Variants in JAM3 observed in about 807,000 individuals in gnomAD.
JAM3 encodes the protein junctional adhesion molecule 3.
A neutral mutation model predicts 39.4 loss-of-function variants in JAM3; 31 were observed. The ratio of observed to expected loss-of-function variants is 0.79; its 90% CI spans 0.59 to 1.06. The LOEUF (loss-of-function observed/expected upper bound fraction) is 1.06, where lower values mean the gene tolerates loss of function less well. Ranked by LOEUF, JAM3 falls within the 50% of genes least tolerant of loss-of-function variation. JAM3 has a pLI of 0.00. For missense variants in JAM3, 455 were observed against 391.4 expected (o/e 1.16, Z -1.37); for synonymous variants, 182 against 148.7 (o/e 1.22, Z -1.63).
chr11:134,118,224 A>G, intron 1 of JAM3, among the ~76,000 whole-genome samples: 1 of 152,236 alleles, frequency 6.6e-6, no homozygotes, highest in Admixed American at 6.5e-5. Context: ...GATGGGTCTC[A>G]TGGCAACAGG....
At chr11:134,087,406 G>T (rs1941764245) in intron 1 of JAM3, among the ~76,000 whole-genome samples, 1 of 152,122 alleles carries the variant, frequency 6.6e-6, no homozygotes, top group African/African-American at 2.4e-5. Context: ...ATAAAATCAT[G>T]ACCTCCCACC....
chr11:134,132,985 GA>G (rs1942796556), intron 1 of JAM3, among the ~76,000 whole-genome samples: 1 of 152,176 alleles, frequency 6.6e-6, no homozygotes. Flanking sequence ...CTCCAATCTG[GA>G]GACAGTGTTT....
intron 6 of JAM3, among the ~76,000 whole-genome samples, chr11:134,146,677 C>G (rs974311942): frequency 6.6e-6 from 1 of 152,140 alleles, no homozygotes; most frequent in African/African-American, 2.4e-5. Flanking sequence ...AAGCCATTCT[C>G]CCACCTCAGT....
intron 1 of JAM3, among the ~76,000 whole-genome samples, chr11:134,077,652 T>A (rs1293677876): frequency 3.0e-5 from 2 of 65,714 alleles, no homozygotes; most frequent in African/African-American, 7.6e-5. Flanking sequence ...GCTGGCGCCT[T>A]TTTTTTTTTT....
chr11:134,147,476 A>G (rs1298419635), intron 6 of JAM3, among the ~76,000 whole-genome samples: 1 of 142,792 alleles, frequency 7.0e-6, no homozygotes, highest in Non-Finnish European at 1.5e-5. Flanking sequence ...AAAAAAAAAA[A>G]AACGATTGCA....
chr11:134,071,726 G>T (rs1283662080), intron 1 of JAM3, among the ~76,000 whole-genome samples: 30 of 152,030 alleles, frequency 2.0e-4, no homozygotes, highest in Admixed American at 1.9e-3. Context: ...TCTTTTATTT[G>T]CATCTGTTTG....
In JAM3 at chr11:134,075,676, C is replaced by T. The variant is rs183766776; in HGVS notation, c.76+6517C>T. The stretch of plus-strand genomic sequence containing the variant: ...TCCTGAGTTTAAGGGATCCTACTGC[C>T]TTAGCCTCCCAAAGTGCTGAGATTA... On this transcript the variant is annotated intron_variant, in intron 1 of 8. Transcript: ENST00000299106. Among the ~76,000 whole-genome samples the T allele has an allele frequency of 2.5e-4, 38 of 152,304 alleles. 1 individual carries two copies. The highest frequency in any genetic ancestry group is 2.4e-3 in the Admixed American group (37 of 15,296).
intron 1 of JAM3, among the ~76,000 whole-genome samples, chr11:134,135,449 C>T (rs960354962): frequency 1.1e-4 from 17 of 151,928 alleles, no homozygotes; most frequent in African/African-American, 1.9e-4. Context: ...TGCAATCAGA[C>T]GTTGAAATGT....
At chr11:134,140,870 T>TA in intron 3 of JAM3, 100 bp downstream of exon 3, 1 of 1,454,170 alleles carries the variant, frequency 6.9e-7, no homozygotes, top group Non-Finnish European at 9.3e-7. Flanking sequence ...GTAACCTGCA[T>TA]CTGTAGCTAG....
intron 1 of JAM3, among the ~76,000 whole-genome samples, chr11:134,106,190 C>A (rs2120704319): frequency 6.6e-6 from 1 of 152,176 alleles, no homozygotes; most frequent in Middle Eastern, 3.4e-3. Flanking sequence ...AGAAATAATA[C>A]CACACATCTA....
At chr11:134,123,279 A>T (rs182226296) in intron 1 of JAM3, among the ~76,000 whole-genome samples, 1 of 152,302 alleles carries the variant, frequency 6.6e-6, no homozygotes, top group African/African-American at 2.4e-5. Context: ...CTGCACGTAC[A>T]TCTACGGCAA....
At chr11:134,069,720 C>T (rs1291817312) in intron 1 of JAM3, among the ~76,000 whole-genome samples, 1 of 152,190 alleles carries the variant, frequency 6.6e-6, no homozygotes, top group Non-Finnish European at 1.5e-5. Flanking sequence ...GTGCTGTGCT[C>T]TCCAGAAGGG....
chr11:134,108,743 C>T (rs1942251393), intron 1 of JAM3, among the ~76,000 whole-genome samples: 1 of 152,046 alleles, frequency 6.6e-6, no homozygotes, highest in South Asian at 2.1e-4. Flanking sequence ...AATTCAACAT[C>T]CATTTATGAT....
chr11:134,089,878 C>T (rs538717090), intron 1 of JAM3, among the ~76,000 whole-genome samples: 124 of 152,258 alleles, frequency 8.1e-4, no homozygotes, highest in African/African-American at 2.7e-3. Context: ...CCTGAGGAAT[C>T]GCCACACTGA....
chr11:134,102,826 GAAAC>G (rs574240707), intron 1 of JAM3, among the ~76,000 whole-genome samples: 373 of 152,230 alleles, frequency 2.5e-3, no homozygotes, highest in Non-Finnish European at 4.2e-3. Context: ...AAAGTAAAAA[GAAAC>G]AAACACAACC....
intron 1 of JAM3, among the ~76,000 whole-genome samples, chr11:134,114,242 T>C (rs1340213178): frequency 6.6e-6 from 1 of 152,270 alleles, no homozygotes; most frequent in Non-Finnish European, 1.5e-5. Context: ...CTATTGCTTT[T>C]GATGTTTTAG....
intron 2 of JAM3, among the ~76,000 whole-genome samples, 183 bp downstream of exon 2, chr11:134,140,099 T>G (rs1942947400): frequency 6.6e-6 from 1 of 152,230 alleles, no homozygotes; most frequent in Admixed American, 6.5e-5. Flanking sequence ...CCTGTGCAGT[T>G]TTCCATCAGC....
chr11:134,081,925 G>A (rs769319900), intron 1 of JAM3, among the ~76,000 whole-genome samples: 1 of 152,252 alleles, frequency 6.6e-6, no homozygotes, highest in Non-Finnish European at 1.5e-5. Context: ...CCAAGACCAT[G>A]GGAACCCACC....
rs1016841034 is a variant in JAM3, at chr11:134,149,611, C to T, written c.*430C>T. The T allele has an allele frequency of 3.9e-5, 18 of 464,012 alleles. No individual in the cohort carries two copies. The highest frequency in any genetic ancestry group is 1.2e-4 in the African/African-American group (6 of 50,464). The allele number at this position is 464,012 out of a possible 1,614,324, so 28.7% of individuals were successfully genotyped here. A position where few individuals can be genotyped will look rare whatever the true frequency, so the allele number is the denominator to read the frequency against. On this transcript the variant is annotated 3_prime_UTR_variant, in exon 9 of 9. Coordinates refer to ENST00000299106, the MANE Select transcript of JAM3 (RefSeq NM_032801.5). ...GCTGGACAGCACCAGCAGCGCATCC[C>T]GGCGGGAACCCAGAAAAGGCTTCTT...
Sources: allele counts gnomAD v4.1 joint callset (sites outside exome capture counted in the v4.1 genomes callset), GRCh38; gene constraint gnomAD v4.1.1; transcripts MANE v1.5; gene names NCBI Gene and HGNC (gene_info 2026-07-23, HGNC 2026-07-21).